GALNT10: variants seen among roughly 807,000 people sequenced by gnomAD.
GALNT10 encodes GalNAc transferase 10.
In GALNT10, 41 loss-of-function variants were observed where a neutral mutation model predicts 75.0. That is an observed-to-expected ratio of 0.55 (90% confidence interval 0.43 to 0.71). The LOEUF (loss-of-function observed/expected upper bound fraction) is 0.71. Ranked by LOEUF, GALNT10 falls within the 30% of genes least tolerant of loss-of-function variation. The pLI is 0.00. For synonymous variants in GALNT10, 302 were observed against 313.0 expected, an observed-to-expected ratio of 0.96 and a Z score of 0.37; for missense variants, 727 against 818.5, an observed-to-expected ratio of 0.89 and a Z score of 1.36.
chr5:154,240,744 A>T (rs1753323959), intron 1 of GALNT10, among the ~76,000 whole-genome samples: 1 of 152,184 alleles, frequency 6.6e-6, no homozygotes, highest in African/African-American at 2.4e-5. Context: ...AGTTCCTTGG[A>T]TAAGGAAAGA....
At chr5:154,208,913 A>ATCC (rs1265277573) in intron 1 of GALNT10, among the ~76,000 whole-genome samples, 1 of 152,196 alleles carries the variant, frequency 6.6e-6, no homozygotes, top group Non-Finnish European at 1.5e-5. Context: ...GTAAGCTGAG[A>ATCC]TCCTGACTTT....
intron 1 of GALNT10, among the ~76,000 whole-genome samples, chr5:154,230,820 C>T (rs1205937553): frequency 6.6e-6 from 1 of 152,236 alleles, no homozygotes; most frequent in Non-Finnish European, 1.5e-5. Flanking sequence ...GACCCTGAAC[C>T]TAATCCAGGT....
chr5:154,405,939 CATT>C (rs1227192457), intron 8 of GALNT10: 1 of 151,216 alleles, frequency 6.6e-6, no homozygotes, highest in Non-Finnish European at 1.5e-5. Flanking sequence ...GTTATAGAAC[CATT>C]ATTATAGATT....
At chr5:154,213,292 G>T (rs7716370) in intron 1 of GALNT10, among the ~76,000 whole-genome samples, 71,713 of 151,936 alleles carry the variant, frequency 0.47, 17,662 homozygotes, top group African/African-American at 0.57. Flanking sequence ...TAGGGATTAA[G>T]AATTTGAAAG....
intron 3 of GALNT10, among the ~76,000 whole-genome samples, chr5:154,321,802 T>G (rs11367131): frequency 3.6e-5 from 2 of 55,412 alleles, no homozygotes; most frequent in African/African-American, 6.7e-5. Flanking sequence ...ACCTGCCCCC[T>G]AGACAGCACC....
At chr5:154,394,996 A>C (rs542814468) in intron 7 of GALNT10, among the ~76,000 whole-genome samples, 2 of 152,176 alleles carry the variant, frequency 1.3e-5, no homozygotes, top group Non-Finnish European at 2.9e-5. Flanking sequence ...TTGAAATTCC[A>C]TGAGTGTCCC....
intron 1 of GALNT10, among the ~76,000 whole-genome samples, chr5:154,201,564 C>T (rs976237115): frequency 3.9e-5 from 6 of 152,138 alleles, no homozygotes; most frequent in Admixed American, 1.3e-4. Context: ...TCTACCCTGT[C>T]TAATAAAGTT....
intron 1 of GALNT10, among the ~76,000 whole-genome samples, chr5:154,211,186 G>T (rs1405817399): frequency 1.3e-5 from 2 of 152,256 alleles, no homozygotes; most frequent in Non-Finnish European, 2.9e-5. Flanking sequence ...GCAGGAAAGG[G>T]CTTGGTCCCT....
At position 154,252,086 on chromosome 5, in the gene GALNT10, CACA is replaced by C. The variant is rs376618517; in HGVS notation, c.160-42725_160-42723del. ...ATTCTTGTCTTACCCATGTTATACA[CACA>C]ACAATATCAGAATAGCAATACTAAT... On this transcript the variant is annotated intron_variant, in intron 1 of 11. Transcript: ENST00000297107. Among the ~76,000 whole-genome samples the C allele has an allele frequency of 2.2e-4, 34 of 152,176 alleles. No homozygotes were observed. In the East Asian group the frequency reaches 5.4e-3, roughly 24 times the overall value.
chr5:154,415,723 T>C (rs1756489877), intron 10 of GALNT10, 60 bp from the exon 11 acceptor site: 34 of 1,429,850 alleles, frequency 2.4e-5, no homozygotes, highest in Non-Finnish European at 3.2e-5. Flanking sequence ...TTAAAAAAAA[T>C]GGAGAAAAAA....
chr5:154,377,085 T>C (rs1162677446), intron 5 of GALNT10, among the ~76,000 whole-genome samples: 1 of 152,196 alleles, frequency 6.6e-6, no homozygotes, highest in Non-Finnish European at 1.5e-5. Context: ...TAAGAGTTCC[T>C]GGCAGATATC....
chr5:154,307,765 C>G (rs931878398), intron 3 of GALNT10, among the ~76,000 whole-genome samples: 3 of 151,490 alleles, frequency 2.0e-5, no homozygotes, highest in African/African-American at 7.3e-5. Context: ...TTTTACAGAC[C>G]AATATCCCTC....
chr5:154,332,858 GT>G (rs1300626757), intron 4 of GALNT10, among the ~76,000 whole-genome samples: 1 of 152,202 alleles, frequency 6.6e-6, no homozygotes, highest in Non-Finnish European at 1.5e-5. Context: ...CTGCCCTGGG[GT>G]TGGGCTTGTA....
At position 154,376,939 on chromosome 5, in the gene GALNT10, C is replaced by G. The variant is rs911486664; in HGVS notation, c.754+477C>G. ...AAAGTATACCCCTTATGTAGTAAAACAAACTAAGATTCTGAGATACTGAAG... is the reference window on the plus strand; with the variant it reads ...AAAGTATACCCCTTATGTAGTAAAAGAAACTAAGATTCTGAGATACTGAAG... On this transcript the variant is annotated intron_variant, in intron 5 of 11. Coordinates refer to ENST00000297107, the MANE Select transcript of GALNT10 (RefSeq NM_198321.4). The surrounding 1 kb of genome is among the most constrained non-coding windows in gnomAD (Gnocchi z 4.1). Among the ~76,000 whole-genome samples, 3 of 152,196 alleles carry G rather than the reference C, an allele frequency of 2.0e-5. No homozygotes were observed. Among genetic ancestry groups the G allele is most frequent in the African/African-American group, 7.2e-5 (3 of 41,456 alleles).
intron 4 of GALNT10, among the ~76,000 whole-genome samples, chr5:154,346,205 G>A (rs944191806): frequency 6.6e-6 from 1 of 151,804 alleles, no homozygotes; most frequent in Non-Finnish European, 1.5e-5. Context: ...TCATCTGTTG[G>A]TGGACACTTA....
At chr5:154,266,823 G>A (rs766876465) in intron 1 of GALNT10, among the ~76,000 whole-genome samples, 3 of 152,162 alleles carry the variant, frequency 2.0e-5, no homozygotes, top group Admixed American at 6.5e-5. Flanking sequence ...TAGAAGCTGC[G>A]ATGAGCTTGA....
At chr5:154,289,306 G>T (rs1451829851) in intron 1 of GALNT10, among the ~76,000 whole-genome samples, 1 of 152,148 alleles carries the variant, frequency 6.6e-6, no homozygotes, top group Admixed American at 6.5e-5. Context: ...CAGGGAAATT[G>T]GGCTCCACCT....
intron 3 of GALNT10, among the ~76,000 whole-genome samples, chr5:154,316,428 T>G (rs1326588123): frequency 6.6e-6 from 1 of 152,184 alleles, no homozygotes; most frequent in South Asian, 2.1e-4. Context: ...CCAGTTCAAC[T>G]CAGCAACTAT....
At chr5:154,344,913 T>A (rs1755097728) in intron 4 of GALNT10, among the ~76,000 whole-genome samples, 1 of 152,182 alleles carries the variant, frequency 6.6e-6, no homozygotes, top group Non-Finnish European at 1.5e-5. Context: ...CACCTATTGC[T>A]GGCCAGGCAT....
Sources: allele counts gnomAD v4.1 joint callset (sites outside exome capture counted in the v4.1 genomes callset), GRCh38; gene constraint gnomAD v4.1.1; non-coding constraint Gnocchi (gnomAD v3.1); transcripts MANE v1.5; gene names NCBI Gene and HGNC (gene_info 2026-07-23, HGNC 2026-07-21).